The following WDR33 variants were observed in gnomAD, a reference collection of about 807,000 sequenced individuals.
WDR33 encodes the protein pre-mRNA 3' end processing protein WDR33.
Under a neutral mutation model 164.9 loss-of-function variants are expected in WDR33, and 47 were observed. The ratio of observed to expected loss-of-function variants is 0.29; its 90% CI spans 0.23 to 0.36. WDR33 has a LOEUF of 0.36. Ranked by LOEUF, WDR33 falls within the 10% of genes least tolerant of loss-of-function variation. The probability of loss-of-function intolerance (pLI) is 1.00; values close to 1 mark genes in which losing one functional copy is unlikely to be tolerated. For missense variants in WDR33, 1,137 were observed against 1,754.1 expected (o/e 0.65, Z 6.28); for synonymous variants, 505 against 589.0 (o/e 0.86, Z 2.06).
At chr2:127,733,903 G>C (rs1352226084) in intron 7 of WDR33, among the ~76,000 whole-genome samples, 2 of 152,170 alleles carry the variant, frequency 1.3e-5, no homozygotes, top group Non-Finnish European at 2.9e-5. Context: ...CTGCAGATGA[G>C]AACACGGAAG....
intron 1 of WDR33, among the ~76,000 whole-genome samples, chr2:127,802,167 C>CAA (rs557960851): frequency 0.077 from 9,584 of 124,958 alleles, 406 homozygotes; most frequent in Middle Eastern, 0.19. Context: ...GACTCCGACT[C>CAA]AAAAAAAAAA....
At chr2:127,747,254 C>A (rs143449089) in intron 7 of WDR33, among the ~76,000 whole-genome samples, 2 of 152,008 alleles carry the variant, frequency 1.3e-5, no homozygotes, top group Admixed American at 6.6e-5. Flanking sequence ...TTTTTCCATA[C>A]GAAATTATGT....
At position 127,702,178 on chromosome 2, in the gene WDR33, G is replaced by A. The variant is rs1685908944; in HGVS notation, c.*4145C>T. ...CTCGCCAAGGTGCTGCCCGTGTGAGGACCTCGCGCCCTCGCCGCTGGGGAA... is the reference window on the plus strand; with the variant it reads ...CTCGCCAAGGTGCTGCCCGTGTGAGAACCTCGCGCCCTCGCCGCTGGGGAA... On this transcript the variant is annotated 3_prime_UTR_variant, in exon 22 of 22. Transcript: ENST00000322313. The A allele has an allele frequency of 1.6e-6, 2 of 1,213,670 alleles. No individual in the cohort carries two copies. Among genetic ancestry groups the A allele is most frequent in the South Asian group, 8.2e-5 (2 of 24,308 alleles). 75.2% of individuals were successfully genotyped at this position (1,213,670 alleles called of 1,614,324 possible). A position where few individuals can be genotyped will look rare whatever the true frequency, so the allele number is the denominator to read the frequency against.
chr2:127,731,435 A>G (rs1344519538), intron 7 of WDR33, among the ~76,000 whole-genome samples: 1 of 152,234 alleles, frequency 6.6e-6, no homozygotes, highest in East Asian at 1.9e-4. Flanking sequence ...GGGCAAGGCC[A>G]TATGGCCATT....
intron 7 of WDR33, among the ~76,000 whole-genome samples, chr2:127,754,535 C>T (rs1251969248): frequency 4.6e-5 from 7 of 152,008 alleles, no homozygotes; most frequent in East Asian, 1.9e-4. Context: ...CCTCCTGCCT[C>T]AGCCTTCTGA....
intron 7 of WDR33, among the ~76,000 whole-genome samples, chr2:127,756,721 T>C (rs951548438): frequency 6.6e-6 from 1 of 152,182 alleles, no homozygotes; most frequent in African/African-American, 2.4e-5. Flanking sequence ...AATGTAAAGA[T>C]AGAAAGGCTC....
At position 127,724,185 on chromosome 2, in the gene WDR33, ATAAG is replaced by A; in HGVS notation, c.1196+144_1196+147del. 1.7e-6 allele frequency: 1 copy of A among 603,022 alleles called. No homozygotes were observed. Among genetic ancestry groups the A allele is most frequent in the Non-Finnish European group, 2.7e-6 (1 of 367,182 alleles). The allele number at this position is 603,022 out of a possible 1,614,324, so 37.4% of individuals were successfully genotyped here. A position where few individuals can be genotyped will look rare whatever the true frequency, so the allele number is the denominator to read the frequency against. On this transcript the variant is annotated intron_variant, in intron 11 of 21. Coordinates refer to ENST00000322313, the MANE Select transcript of WDR33 (RefSeq NM_018383.5). The surrounding 1 kb of genome is among the most constrained non-coding windows in gnomAD (Gnocchi z 4.8). ...CAATACCCAATCTCTTTATTGCAATATAAGTATTTGTAAACCACTACAAAAATAT... is the reference window on the plus strand; with the variant it reads ...CAATACCCAATCTCTTTATTGCAATATATTTGTAAACCACTACAAAAATAT...
At chr2:127,775,508 A>G (rs1275486971) in intron 1 of WDR33, among the ~76,000 whole-genome samples, 1 of 152,218 alleles carries the variant, frequency 6.6e-6, no homozygotes, top group Non-Finnish European at 1.5e-5. Flanking sequence ...AAAATTTTTA[A>G]GGGACAGCAG....
chr2:127,795,669 A>C (rs186136241), intron 1 of WDR33, among the ~76,000 whole-genome samples: 5 of 151,670 alleles, frequency 3.3e-5, no homozygotes, highest in South Asian at 2.1e-4. Context: ...AAAAAAAAAA[A>C]AAAACACCAA....
chr2:127,794,463 C>A (rs376581226), intron 1 of WDR33, among the ~76,000 whole-genome samples: 1 of 151,146 alleles, frequency 6.6e-6, no homozygotes, highest in Non-Finnish European at 1.5e-5. Context: ...ATTGCACCAT[C>A]GCACCCCAGC....
In WDR33 at chr2:127,764,633, C is replaced by T. The variant is rs17534123; in HGVS notation, c.626+195G>A. ...TCTAACATATTGCAAAGGCTGATAC[C>T]GGGACAACACTACTTCAGAAAGGTG... On this transcript the variant is annotated intron_variant, in intron 6 of 21. Coordinates refer to ENST00000322313, the MANE Select transcript of WDR33 (RefSeq NM_018383.5). The surrounding 1 kb of genome is among the most constrained non-coding windows in gnomAD (Gnocchi z 6.2). 126,133 of 1,556,106 alleles carry T rather than the reference C, an allele frequency of 0.081. 5,427 individuals are homozygous for T. The highest frequency in any genetic ancestry group is 0.089 in the Non-Finnish European group (102,155 of 1,149,148).
In WDR33 at chr2:127,763,945, C is replaced by T. The variant is rs1222157542; in HGVS notation, c.627-786G>A. The T allele has an allele frequency of 1.0e-6, 1 of 985,646 alleles. No homozygotes were observed. Among genetic ancestry groups the T allele is most frequent in the Non-Finnish European group, 1.2e-6 (1 of 830,218 alleles). The allele number at this position is 985,646 out of a possible 1,614,324, so 61.1% of individuals were successfully genotyped here. On this transcript the variant is annotated intron_variant, in intron 6 of 21. Transcript: ENST00000322313. This position sits in a 1 kb window ranked among gnomAD's most constrained non-coding sequence, Gnocchi z 4.5. ...ATCTACAAAGCAGAAGCATGTTCAT[C>T]CAACAATTTCTGTTAAGATTCTGAA...
Position 127,701,760 on chromosome 2 carries a change from G to A in WDR33, c.*4563C>T, listed in dbSNP as rs1685889299. On this transcript the variant is annotated 3_prime_UTR_variant, in exon 22 of 22. Coordinates refer to ENST00000322313, the MANE Select transcript of WDR33 (RefSeq NM_018383.5). ...GAGCGTGACGCGCGGGCAGCGGCTG[G>A]CGGCGGGCGGCGGGTGCCTGCTGCT... 2.1e-6 allele frequency: 3 copies of A among 1,422,218 alleles called. No homozygotes were observed. The South Asian group carries it at 4.1e-5, about 20-fold the overall frequency. The allele number at this position is 1,422,218 out of a possible 1,614,324, so 88.1% of individuals were successfully genotyped here.
chr2:127,735,043 T>G lies in WDR33; in HGVS notation c.725-8266A>C, dbSNP rs1179787582. Among the ~76,000 whole-genome samples the G allele has an allele frequency of 3.3e-5, 5 of 152,324 alleles. No homozygotes were observed. In the East Asian group the frequency reaches 5.8e-4, roughly 18 times the overall value. ...GATAAATGGATTAGGTATTAGATATTTGGTGAACAGACATTCTAGACTTGC... is the reference window on the plus strand; with the variant it reads ...GATAAATGGATTAGGTATTAGATATGTGGTGAACAGACATTCTAGACTTGC... On this transcript the variant is annotated intron_variant, in intron 7 of 21. Transcript: ENST00000322313. The surrounding 1 kb of genome is among the most constrained non-coding windows in gnomAD (Gnocchi z 4.3).
rs770400329 is a variant in WDR33, at chr2:127,719,214, T to G, written c.2760+51A>C. 1 of 1,378,970 alleles carries G rather than the reference T, an allele frequency of 7.3e-7. No homozygotes were observed. The allele number at this position is 1,378,970 out of a possible 1,614,324, so 85.4% of individuals were successfully genotyped here. A position where few individuals can be genotyped will look rare whatever the true frequency, so the allele number is the denominator to read the frequency against. ...CCACAATACTCAGCAGTATTACTTC[T>G]GTGCAGAGTGTATTTTCCCAATGTG... On this transcript the variant is annotated intron_variant, in intron 16 of 21. Coordinates refer to ENST00000322313, the MANE Select transcript of WDR33 (RefSeq NM_018383.5). This position sits in a 1 kb window ranked among gnomAD's most constrained non-coding sequence, Gnocchi z 6.5.
chr2:127,722,457 G>A lies in WDR33; in HGVS notation c.1518+134C>T, dbSNP rs760157588. The stretch of plus-strand genomic sequence containing the variant: ...CTGCAAAGCAGTAGATGAGAACCAT[G>A]TCTAAGAGTACGTGAACATGGGAAA... On this transcript the variant is annotated intron_variant, in intron 14 of 21. Transcript: ENST00000322313. This position sits in a 1 kb window ranked among gnomAD's most constrained non-coding sequence, Gnocchi z 5.1. 3.0e-5 allele frequency: 37 copies of A among 1,247,394 alleles called. No individual in the cohort carries two copies. Among genetic ancestry groups the A allele is most frequent in the Non-Finnish European group, 4.1e-5 (37 of 898,668 alleles). The allele number at this position is 1,247,394 out of a possible 1,614,324, so 77.3% of individuals were successfully genotyped here.
rs534942909 is a variant in WDR33, at chr2:127,737,692, AG to A, written c.725-10916del. The A allele has an allele frequency of 5.9e-3, 6,432 of 1,081,900 alleles. 29 individuals carry two copies. Among genetic ancestry groups the A allele is most frequent in the Non-Finnish European group, 6.8e-3 (6,053 of 892,912 alleles). The allele number at this position is 1,081,900 out of a possible 1,614,324, so 67.0% of individuals were successfully genotyped here. A position where few individuals can be genotyped will look rare whatever the true frequency, so the allele number is the denominator to read the frequency against. On this transcript the variant is annotated intron_variant, in intron 7 of 21. Coordinates refer to ENST00000322313, the MANE Select transcript of WDR33 (RefSeq NM_018383.5). ...TGGTAAGGAAGAAAACGCAGAACCA[AG>A]AAGGAAAACAAAAGATGTTTCAAAT...
In WDR33 at chr2:127,787,407, G is replaced by A. The variant is rs1245303773; in HGVS notation, c.-23-16403C>T. On this transcript the variant is annotated intron_variant, in intron 1 of 21. Coordinates refer to ENST00000322313, the MANE Select transcript of WDR33 (RefSeq NM_018383.5). ...CAGACGGGGTGGTGGCCGGGCAGAG[G>A]GGCTCCTCACTTCCCAGTAGGGGTG... Among the ~76,000 whole-genome samples the A allele has an allele frequency of 3.2e-5, 4 of 125,304 alleles. 1 individual carries two copies. Among genetic ancestry groups the A allele is most frequent in the Admixed American group, 2.2e-4 (3 of 13,640 alleles). The allele number at this position is 125,304 out of a possible 152,430, so 82.2% of individuals were successfully genotyped here. A position where few individuals can be genotyped will look rare whatever the true frequency, so the allele number is the denominator to read the frequency against.
At chr2:127,793,853 G>A (rs947158848) in intron 1 of WDR33, among the ~76,000 whole-genome samples, 10 of 152,082 alleles carry the variant, frequency 6.6e-5, no homozygotes, top group African/African-American at 1.2e-4. Flanking sequence ...TATATTGTTC[G>A]GGCAGGCACA....
Sources: allele counts gnomAD v4.1 joint callset (sites outside exome capture counted in the v4.1 genomes callset), GRCh38; gene constraint gnomAD v4.1.1; non-coding constraint Gnocchi (gnomAD v3.1); transcripts MANE v1.5; gene names NCBI Gene and HGNC (gene_info 2026-07-23, HGNC 2026-07-21).